APLF: variants seen among roughly 807,000 people sequenced by gnomAD.
APLF encodes the protein aprataxin and PNK-like factor.
In APLF, 61 loss-of-function variants were observed where a neutral mutation model predicts 55.6. The ratio of observed to expected loss-of-function variants is 1.10; its 90% CI spans 0.89 to 1.36. APLF has a LOEUF of 1.36. Among genes scored for constraint, APLF ranks in the 40% most tolerant of loss-of-function variants. The probability of loss-of-function intolerance (pLI) is 0.00; values close to 1 mark genes in which losing one functional copy is unlikely to be tolerated. For synonymous variants in APLF, 207 were observed against 214.8 expected, an observed-to-expected ratio of 0.96 and a Z score of 0.32; for missense variants, 611 against 602.5, an observed-to-expected ratio of 1.01 and a Z score of -0.15.
At chr2:68,577,456 C>G (rs961462401) in intron 9 of APLF, among the ~76,000 whole-genome samples, 4 of 152,124 alleles carry the variant, frequency 2.6e-5, no homozygotes, top group Non-Finnish European at 5.9e-5. Flanking sequence ...ACTCACATTT[C>G]TTTGAGCAAT....
chr2:68,547,897 A>G (rs1670748372), intron 8 of APLF, among the ~76,000 whole-genome samples: 1 of 151,826 alleles, frequency 6.6e-6, no homozygotes, highest in Non-Finnish European at 1.5e-5. Flanking sequence ...ACTTATTTAC[A>G]GTTAAATCTC....
intron 6 of APLF, among the ~76,000 whole-genome samples, chr2:68,537,492 C>T (rs886363056): frequency 6.6e-6 from 1 of 151,860 alleles, no homozygotes; most frequent in African/African-American, 2.4e-5. Flanking sequence ...CTCAGCCTCC[C>T]AAATAGCTGG....
intron 5 of APLF, among the ~76,000 whole-genome samples, chr2:68,518,709 T>C (rs1465923522): frequency 8.0e-6 from 1 of 124,286 alleles, no homozygotes; most frequent in Admixed American, 9.0e-5. Flanking sequence ...ATCATGAATA[T>C]ACAATAATAT....
intron 3 of APLF, among the ~76,000 whole-genome samples, chr2:68,512,619 A>G (rs566255501): frequency 7.1e-4 from 108 of 151,942 alleles, no homozygotes; most frequent in African/African-American, 2.5e-3. Flanking sequence ...GGGATATTTC[A>G]TAAGTAGCTC....
intron 3 of APLF, among the ~76,000 whole-genome samples, chr2:68,508,106 A>ATATT (rs144086566): frequency 0.025 from 3,857 of 151,980 alleles, 61 homozygotes; most frequent in South Asian, 0.042. Context: ...AATACATAAC[A>ATATT]TAAACAAAAT....
intron 5 of APLF, among the ~76,000 whole-genome samples, chr2:68,518,399 A>G (rs1195630166): frequency 6.0e-5 from 6 of 100,208 alleles, no homozygotes; most frequent in Admixed American, 3.7e-4. Context: ...TTAATATATA[A>G]CAATATATTA....
chr2:68,564,428 T>C (rs981544508), intron 8 of APLF, among the ~76,000 whole-genome samples: 2 of 152,066 alleles, frequency 1.3e-5, no homozygotes, highest in African/African-American at 4.8e-5. Flanking sequence ...ACTTGCATTG[T>C]AGGAAAAGTT....
chr2:68,490,759 A>G (rs1676332934), intron 2 of APLF, among the ~76,000 whole-genome samples: 1 of 152,176 alleles, frequency 6.6e-6, no homozygotes, highest in African/African-American at 2.4e-5. Flanking sequence ...TGCTTGCTTT[A>G]TAGTTTACTG....
intron 2 of APLF, among the ~76,000 whole-genome samples, chr2:68,495,006 C>T (rs1394228706): frequency 6.6e-6 from 1 of 152,166 alleles, no homozygotes; most frequent in Admixed American, 6.5e-5. Context: ...AGCACCAAGC[C>T]ATGAGGTATC....
intron 5 of APLF, chr2:68,515,640 ATGAGAGTAATT>A: frequency 1.0e-6 from 1 of 984,880 alleles, no homozygotes. Context: ...GAAAATACGA[ATGAGAGTAATT>A]TGACATTGGT....
At chr2:68,505,860 C>T (rs1191734171) in intron 3 of APLF, among the ~76,000 whole-genome samples, 1 of 151,892 alleles carries the variant, frequency 6.6e-6, no homozygotes, top group Non-Finnish European at 1.5e-5. Context: ...AATCATTGAC[C>T]AGTATGATTA....
At chr2:68,518,575 A>G (rs1405538342) in intron 5 of APLF, among the ~76,000 whole-genome samples, 2 of 122,774 alleles carry the variant, frequency 1.6e-5, no homozygotes, top group Non-Finnish European at 1.6e-5. Context: ...AATATATAAT[A>G]TATCAATAAT....
intron 1 of APLF, among the ~76,000 whole-genome samples, chr2:68,484,667 G>A (rs1272489533): frequency 6.6e-6 from 1 of 151,058 alleles, no homozygotes; most frequent in African/African-American, 2.4e-5. Context: ...ACTGCAGCCT[G>A]GGCAGCAGAG....
Position 68,471,078 on chromosome 2 carries a change from T to C in APLF, c.96+3251T>C, listed in dbSNP as rs1457700445. Among the ~76,000 whole-genome samples the C allele has an allele frequency of 4.6e-5, 7 of 152,208 alleles. No individual in the cohort carries two copies. In the East Asian group the frequency reaches 1.3e-3, roughly 29 times the overall value. On this transcript the variant is annotated intron_variant, in intron 1 of 9. Transcript: ENST00000303795. ...TAGATTTGCCCTTCCCTCATTTTAT[T>C]ATTTAGCCTACAACCAGTGCCTAGC... is the stretch of plus-strand genomic sequence containing the variant.
intron 2 of APLF, 121 bp from the exon 3 acceptor site, chr2:68,502,609 AT>A (rs923090335): frequency 1.1e-5 from 7 of 612,388 alleles, no homozygotes; most frequent in Non-Finnish European, 1.4e-5. Context: ...TTATGCTTAA[AT>A]TTTTTTGATA....
Position 68,576,028 on chromosome 2 carries a change from G to A in APLF, c.1334-1792G>A, listed in dbSNP as rs529953974. Reference sequence around the variant, plus strand: ...AGGAAAATCCAGCAAAGAAAACTGAGAAGGAGCAGCCAATGAAGTGAGCAG... The same window carrying A: ...AGGAAAATCCAGCAAAGAAAACTGAAAAGGAGCAGCCAATGAAGTGAGCAG... On this transcript the variant is annotated intron_variant, in intron 9 of 9. Coordinates refer to ENST00000303795, the MANE Select transcript of APLF (RefSeq NM_173545.3). Among the ~76,000 whole-genome samples, 3 of 152,262 alleles carry A rather than the reference G, an allele frequency of 2.0e-5. No homozygotes were observed. In the South Asian group the frequency reaches 6.2e-4, roughly 32 times the overall value.
intron 1 of APLF, among the ~76,000 whole-genome samples, chr2:68,468,986 A>AGG (rs1196328240): frequency 1.0e-4 from 10 of 100,074 alleles, no homozygotes; most frequent in South Asian, 4.0e-4. Flanking sequence ...CTGGTCCTAA[A>AGG]GGGGTGTGTG....
Position 68,567,331 on chromosome 2 carries a change from C to A in APLF, c.1287-10C>A, listed in dbSNP as rs763861955. 6.2e-7 allele frequency: 1 copy of A among 1,603,790 alleles called. No individual in the cohort carries two copies. Among genetic ancestry groups the A allele is most frequent in the Non-Finnish European group, 8.5e-7 (1 of 1,174,746 alleles). On this transcript the variant is annotated splice_polypyrimidine_tract_variant and intron_variant, in intron 8 of 9. Coordinates refer to ENST00000303795, the MANE Select transcript of APLF (RefSeq NM_173545.3). Reference sequence around the variant, plus strand: ...GAAGACTAGCTCTTATTTTTGCATTCTTCTTTCAGGAAGAATCCCCAGCAC... The same window carrying A: ...GAAGACTAGCTCTTATTTTTGCATTATTCTTTCAGGAAGAATCCCCAGCAC...
At position 68,529,548 on chromosome 2, in the gene APLF, G is replaced by A. The variant is rs1670184902; in HGVS notation, c.804+3306G>A. ...GTCACCCACTTCTCTGTGGCTGGGT[G>A]CACACTGGGCATCTGGGAGTTTATG... On this transcript the variant is annotated intron_variant, in intron 6 of 9. Coordinates refer to ENST00000303795, the MANE Select transcript of APLF (RefSeq NM_173545.3). The surrounding 1 kb of genome is among the most constrained non-coding windows in gnomAD (Gnocchi z 4.4). 3.7e-6 allele frequency: 3 copies of A among 803,394 alleles called. No individual in the cohort carries two copies. The South Asian group carries it at 1.5e-4, about 41-fold the overall frequency. 49.8% of individuals were successfully genotyped at this position (803,394 alleles called of 1,614,324 possible). A position where few individuals can be genotyped will look rare whatever the true frequency, so the allele number is the denominator to read the frequency against.
Sources: gnomAD v4.1 joint callset for allele counts (sites outside exome capture counted in the v4.1 genomes callset) on GRCh38, gnomAD v4.1.1 for gene constraint, Gnocchi (gnomAD v3.1) non-coding constraint, MANE v1.5 for transcripts, NCBI Gene and HGNC (gene_info 2026-07-23, HGNC 2026-07-21) for gene names.